Variants in LVRN observed in about 807,000 individuals in gnomAD.
LVRN encodes the protein aminopeptidase Q.
In LVRN, 99 loss-of-function variants were observed where a neutral mutation model predicts 111.4. That is an observed-to-expected ratio of 0.89 (90% CI 0.76 to 1.05). The LOEUF (loss-of-function observed/expected upper bound fraction) is 1.05, where lower values mean the gene tolerates loss of function less well. Ranked by LOEUF, LVRN falls within the 50% of genes least tolerant of loss-of-function variation. The pLI is 0.00. For missense variants in LVRN, 1,414 were observed against 1,206.8 expected, an observed-to-expected ratio of 1.17 and a Z score of -2.54; for synonymous variants, 488 against 449.5, an observed-to-expected ratio of 1.09 and a Z score of -1.08.
chr5:115,984,632 C>T lies in LVRN; in HGVS notation c.901C>T (p.Pro301Ser). Residue 301 changes from proline to serine, a missense_variant, in exon 3 of 20, where the codon CCC becomes TCC. By Grantham distance (74) the Pro-to-Ser change is moderately conservative. Coordinates refer to ENST00000357872, the MANE Select transcript of LVRN (RefSeq NM_173800.5). ...KWTVTTFSTT[P>S]HMPTYLVAFV... ...GACTGTTACAACCTTTTCCACTACGCCCCACATGCCAACTTACTTAGTCGC... is the reference window on the plus strand; with the variant it reads ...GACTGTTACAACCTTTTCCACTACGTCCCACATGCCAACTTACTTAGTCGC... 2.5e-6 allele frequency: 4 copies of T among 1,613,692 alleles called. No individual in the cohort carries two copies. Among genetic ancestry groups the T allele is most frequent in the South Asian group, 1.1e-5 (1 of 91,070 alleles).
Position 115,962,548 on chromosome 5 carries a change from C to T in LVRN, c.-70C>T. The T allele has an allele frequency of 1.4e-6, 2 of 1,432,996 alleles. No individual in the cohort carries two copies. Among genetic ancestry groups the T allele is most frequent in the Non-Finnish European group, 1.9e-6 (2 of 1,044,852 alleles). 88.8% of individuals were successfully genotyped at this position (1,432,996 alleles called of 1,614,324 possible). A position where few individuals can be genotyped will look rare whatever the true frequency, so the allele number is the denominator to read the frequency against. The stretch of plus-strand genomic sequence containing the variant: ...GGGGCAGGGGTCGCAGCACTGAACA[C>T]CCTGGCCGGGGTTTTGACAGCTGCC... On this transcript the variant is annotated 5_prime_UTR_variant, in exon 1 of 20. Coordinates refer to ENST00000357872, the MANE Select transcript of LVRN (RefSeq NM_173800.5).
At chr5:115,977,671 C>G (rs1481697448) in intron 1 of LVRN, among the ~76,000 whole-genome samples, 1 of 152,138 alleles carries the variant, frequency 6.6e-6, no homozygotes, top group Non-Finnish European at 1.5e-5. Context: ...GGAAAGGACC[C>G]CAGGCTTGGG....
chr5:116,003,434 G>A (rs570195804), intron 12 of LVRN, 54 bp downstream of exon 12: 2 of 1,178,996 alleles, frequency 1.7e-6, no homozygotes, highest in East Asian at 5.7e-5. Context: ...GCCTTCTCTA[G>A]TGTTTTAGAA....
intron 3 of LVRN, among the ~76,000 whole-genome samples, chr5:115,986,240 C>T (rs529102204): frequency 2.0e-5 from 3 of 152,242 alleles, no homozygotes; most frequent in Non-Finnish European, 2.9e-5. Context: ...CCAAGTTAAA[C>T]GTGCATGGCT....
chr5:116,002,349 T>A (rs760970828), intron 10 of LVRN, among the ~76,000 whole-genome samples: 8 of 152,228 alleles, frequency 5.3e-5, no homozygotes, highest in Admixed American at 5.2e-4. Flanking sequence ...AATGCAGACA[T>A]TGAATAAATG....
At chr5:115,994,599 C>T (rs538963219) in intron 6 of LVRN, among the ~76,000 whole-genome samples, 12 of 152,054 alleles carry the variant, frequency 7.9e-5, no homozygotes, top group African/African-American at 2.7e-4. Context: ...GCAACTGTAA[C>T]AGCAGTGTGT....
chr5:115,991,935 A>G (rs1414228999), intron 4 of LVRN, among the ~76,000 whole-genome samples, 188 bp from the exon 5 acceptor site: 1 of 152,190 alleles, frequency 6.6e-6, no homozygotes, highest in Non-Finnish European at 1.5e-5. Flanking sequence ...TTATGTTAAC[A>G]TAGTGAAAAT....
chr5:115,997,587 C>G (rs1394974373), intron 6 of LVRN, among the ~76,000 whole-genome samples: 1 of 151,390 alleles, frequency 6.6e-6, no homozygotes, highest in East Asian at 1.9e-4. Flanking sequence ...TTGATAGAGC[C>G]TAGGAAATTG....
At chr5:115,989,233 T>G (rs1747931355) in intron 4 of LVRN, among the ~76,000 whole-genome samples, 1 of 152,152 alleles carries the variant, frequency 6.6e-6, no homozygotes, top group Admixed American at 6.5e-5. Context: ...CAGTACCGTG[T>G]CTTTATAAAG....
At chr5:115,967,343 C>CAAAAGA (rs1469578705) in intron 1 of LVRN, among the ~76,000 whole-genome samples, 2 of 152,130 alleles carry the variant, frequency 1.3e-5, no homozygotes, top group African/African-American at 4.8e-5. Context: ...GAGGTTAATT[C>CAAAAGA]TTTTGCCTAT....
chr5:115,983,622 T>C (rs1380096466), intron 2 of LVRN, among the ~76,000 whole-genome samples, 193 bp downstream of exon 2: 1 of 152,190 alleles, frequency 6.6e-6, no homozygotes, highest in African/African-American at 2.4e-5. Flanking sequence ...ATTCCTTTGG[T>C]ATAAGAAGCT....
At chr5:116,018,298 T>C (rs2112640221) in intron 18 of LVRN, among the ~76,000 whole-genome samples, 1 of 152,294 alleles carries the variant, frequency 6.6e-6, no homozygotes, top group Non-Finnish European at 1.5e-5. Context: ...TTCTCCTAAG[T>C]AAGAAAATGC....
chr5:115,972,227 G>T (rs371857693), intron 1 of LVRN, among the ~76,000 whole-genome samples: 1 of 151,266 alleles, frequency 6.6e-6, no homozygotes, highest in Non-Finnish European at 1.5e-5. Context: ...ACTGTTAAAA[G>T]AATACAAAGA....
rs981315011 is a variant in LVRN at position 116,021,881 on chromosome 5, G to C, written c.2757-510G>C. 5.2e-5 allele frequency: 17 copies of C among 329,270 alleles called. No homozygotes were observed. In the East Asian group the frequency reaches 1.3e-3, roughly 25 times the overall value. 20.4% of individuals were successfully genotyped at this position (329,270 alleles called of 1,614,324 possible). On this transcript the variant is annotated intron_variant, in intron 18 of 19. Transcript: ENST00000357872. The stretch of plus-strand genomic sequence containing the variant: ...CCACGCCTATTGAAACAAGCACAGG[G>C]AGAGCCATGGTGCTCAGCCTTCAGG...
At chr5:115,970,337 C>G (rs776730416) in intron 1 of LVRN, among the ~76,000 whole-genome samples, 1 of 151,152 alleles carries the variant, frequency 6.6e-6, no homozygotes, top group Non-Finnish European at 1.5e-5. Flanking sequence ...AATATGTACT[C>G]TCATGTCTAA....
intron 3 of LVRN, among the ~76,000 whole-genome samples, 162 bp from the exon 4 acceptor site, chr5:115,987,651 A>G (rs544695672): frequency 6.6e-6 from 1 of 152,168 alleles, no homozygotes; most frequent in African/African-American, 2.4e-5. Context: ...AACAGCCTTC[A>G]GGGGTTTTCT....
intron 13 of LVRN, 124 bp from the exon 14 acceptor site, chr5:116,010,617 G>A (rs780637707): frequency 1.8e-5 from 18 of 1,023,758 alleles, no homozygotes; most frequent in East Asian, 5.4e-5. Context: ...TTACCTTCTC[G>A]TTTCTTGACT....
At chr5:115,990,484 T>A (rs1355177366) in intron 4 of LVRN, among the ~76,000 whole-genome samples, 2 of 152,254 alleles carry the variant, frequency 1.3e-5, no homozygotes, top group African/African-American at 2.4e-5. Context: ...TAATCGCTTG[T>A]GGTATATGCT....
chr5:116,022,818 G>C (rs1748760220), intron 19 of LVRN, among the ~76,000 whole-genome samples: 1 of 152,162 alleles, frequency 6.6e-6, no homozygotes, highest in African/African-American at 2.4e-5. Context: ...AAGCAATTTT[G>C]AAATATTGTG....
Sources: gnomAD v4.1 joint callset for allele counts (sites outside exome capture counted in the v4.1 genomes callset) on GRCh38, gnomAD v4.1.1 for gene constraint, MANE v1.5 for transcripts, NCBI Gene and HGNC (gene_info 2026-07-23, HGNC 2026-07-21) for gene names.